Variants in MICU2 observed in about 807,000 individuals in gnomAD.
The protein encoded by MICU2 is calcium uptake protein 2, mitochondrial.
In MICU2, 64 loss-of-function variants were observed where a neutral mutation model predicts 60.4. That is an observed-to-expected ratio of 1.06 (90% CI 0.87 to 1.31). The LOEUF is 1.31. Ranked by LOEUF, MICU2 falls within the 50% of genes most tolerant of loss-of-function variation. MICU2 has a pLI of 0.00. For synonymous variants in MICU2, 201 were observed against 175.0 expected, an observed-to-expected ratio of 1.15 and a Z score of -1.17; for missense variants, 569 against 531.0, an observed-to-expected ratio of 1.07 and a Z score of -0.70.
intron 1 of MICU2, among the ~76,000 whole-genome samples, chr13:21,591,172 TGG>T (rs1888574478): frequency 6.7e-6 from 1 of 148,808 alleles, no homozygotes; most frequent in Non-Finnish European, 1.5e-5. Flanking sequence ...AATAAAGGGA[TGG>T]AGGAAAATTC....
intron 1 of MICU2, among the ~76,000 whole-genome samples, chr13:21,603,330 C>A (rs1464965502): frequency 6.6e-6 from 1 of 152,084 alleles, no homozygotes; most frequent in Non-Finnish European, 1.5e-5. Flanking sequence ...AACTTATGGT[C>A]CACTAAGATA....
chr13:21,531,055 C>T, intron 4 of MICU2: 1 of 972,934 alleles, frequency 1.0e-6, no homozygotes, highest in Non-Finnish European at 1.7e-6. Flanking sequence ...CGTGGTCTTT[C>T]CAAATATCCT....
intron 8 of MICU2, among the ~76,000 whole-genome samples, chr13:21,505,870 G>C (rs1391003515): frequency 6.6e-6 from 1 of 152,120 alleles, no homozygotes; most frequent in Non-Finnish European, 1.5e-5. Context: ...ATAAAGAGAA[G>C]ACACTTACCT....
At chr13:21,581,418 C>T (rs1165245717) in intron 1 of MICU2, among the ~76,000 whole-genome samples, 3 of 152,164 alleles carry the variant, frequency 2.0e-5, no homozygotes, top group East Asian at 3.9e-4. Flanking sequence ...ACTCTGCCTA[C>T]AGCAGAGGTT....
At chr13:21,591,505 C>T (rs1888583178) in intron 1 of MICU2, among the ~76,000 whole-genome samples, 1 of 152,212 alleles carries the variant, frequency 6.6e-6, no homozygotes, top group Admixed American at 6.5e-5. Context: ...AAGACTTGAA[C>T]TCTGCTCTGG....
At chr13:21,504,398 C>A (rs73443816) in intron 8 of MICU2, among the ~76,000 whole-genome samples, 1 of 151,970 alleles carries the variant, frequency 6.6e-6, no homozygotes, top group Non-Finnish European at 1.5e-5. Flanking sequence ...AGGCTCTATG[C>A]GAGCCTCTAC....
intron 4 of MICU2, among the ~76,000 whole-genome samples, chr13:21,530,273 C>G (rs1293204297): frequency 2.0e-5 from 3 of 152,206 alleles, no homozygotes; most frequent in Admixed American, 6.5e-5. Context: ...TCTATCCTTA[C>G]AGCCATTTAC....
At chr13:21,527,693 TG>T (rs919072380) in intron 4 of MICU2, among the ~76,000 whole-genome samples, 6 of 152,220 alleles carry the variant, frequency 3.9e-5, no homozygotes, top group African/African-American at 1.4e-4. Context: ...GATTCAAAAC[TG>T]CATTAGGACA....
intron 4 of MICU2, among the ~76,000 whole-genome samples, chr13:21,538,616 T>C (rs936058674): frequency 2.7e-5 from 4 of 147,506 alleles, no homozygotes; most frequent in East Asian, 4.0e-4. Context: ...ATAAATAGAG[T>C]TACAGAATAT....
At chr13:21,562,466 T>C (rs1383192789) in intron 2 of MICU2, among the ~76,000 whole-genome samples, 2 of 152,242 alleles carry the variant, frequency 1.3e-5, no homozygotes, top group African/African-American at 4.8e-5. Context: ...CACTCTTTTT[T>C]TGCCTTCTCT....
At chr13:21,524,474 C>A (rs1255704466) in intron 4 of MICU2, among the ~76,000 whole-genome samples, 6 of 152,144 alleles carry the variant, frequency 3.9e-5, no homozygotes, top group African/African-American at 1.4e-4. Flanking sequence ...ATCAATAATT[C>A]CTTAACATCT....
At chr13:21,572,027 T>C (rs1888122714) in intron 1 of MICU2, among the ~76,000 whole-genome samples, 1 of 152,222 alleles carries the variant, frequency 6.6e-6, no homozygotes, top group Non-Finnish European at 1.5e-5. Flanking sequence ...GATACCATGA[T>C]TCAGCACTCT....
chr13:21,584,210 A>G (rs542127733), intron 1 of MICU2, among the ~76,000 whole-genome samples: 2 of 152,190 alleles, frequency 1.3e-5, no homozygotes, highest in African/African-American at 4.8e-5. Flanking sequence ...TAACAGGGTG[A>G]AACCCCGTCT....
At chr13:21,602,476 A>T (rs528901873) in intron 1 of MICU2, among the ~76,000 whole-genome samples, 2 of 152,152 alleles carry the variant, frequency 1.3e-5, no homozygotes, top group African/African-American at 4.8e-5. Context: ...AAGCCGAGAT[A>T]GCGCCACTGC....
chr13:21,497,069 A>T (rs576912906), intron 9 of MICU2, among the ~76,000 whole-genome samples: 1 of 151,656 alleles, frequency 6.6e-6, no homozygotes, highest in Admixed American at 6.6e-5. Flanking sequence ...CTCAAAAAAT[A>T]CATAACAAAC....
chr13:21,549,715 G>A (rs1436367723), intron 2 of MICU2, among the ~76,000 whole-genome samples: 2 of 152,202 alleles, frequency 1.3e-5, no homozygotes, highest in Admixed American at 6.5e-5. Context: ...TTCCTGTGGT[G>A]TCTCTCTAAA....
rs529360683 is a variant in MICU2, at chr13:21,567,314, C to T, written c.211-370G>A. Among the ~76,000 whole-genome samples, 264 of 152,116 alleles carry T rather than the reference C, an allele frequency of 1.7e-3. 3 individuals are homozygous for T. Among genetic ancestry groups the T allele is most frequent in the African/African-American group, 6.0e-3 (250 of 41,506 alleles). ...AGAGGTAACACTTAGAGAGATTAAACGAGGTGGAGTTAGTGTGTCCTGGGG... is the reference window on the plus strand; with the variant it reads ...AGAGGTAACACTTAGAGAGATTAAATGAGGTGGAGTTAGTGTGTCCTGGGG... On this transcript the variant is annotated intron_variant, in intron 1 of 11. Transcript: ENST00000382374.
rs147845013 is a variant in MICU2, at chr13:21,568,093, T to C, written c.211-1149A>G. Among the ~76,000 whole-genome samples, 305 of 152,314 alleles carry C rather than the reference T, an allele frequency of 2.0e-3. 1 individual carries two copies. The highest frequency in any genetic ancestry group is 7.1e-3 in the African/African-American group (295 of 41,578). ...GACCACAGTATCCTTCCTGGACATA[T>C]CACCTTCTTTTCACACTGAATACTG... On this transcript the variant is annotated intron_variant, in intron 1 of 11. Coordinates refer to ENST00000382374, the MANE Select transcript of MICU2 (RefSeq NM_152726.3).
intron 8 of MICU2, among the ~76,000 whole-genome samples, chr13:21,503,675 C>T (rs1344141179): frequency 3.3e-5 from 5 of 152,150 alleles, no homozygotes; most frequent in African/African-American, 7.2e-5. Flanking sequence ...CATGGTACTT[C>T]GATCAAACTG....
Sources: allele counts gnomAD v4.1 joint callset (sites outside exome capture counted in the v4.1 genomes callset), GRCh38; gene constraint gnomAD v4.1.1; transcripts MANE v1.5; gene names NCBI Gene and HGNC (gene_info 2026-07-23, HGNC 2026-07-21).